TBL2: variants seen among roughly 807,000 people sequenced by gnomAD.
TBL2 encodes the protein transducin beta like 2, also known as transducin beta-like protein 2.
Under a neutral mutation model 41.8 loss-of-function variants are expected in TBL2, and 33 were observed. That is an observed-to-expected ratio of 0.79 (90% CI 0.60 to 1.06). The LOEUF (loss-of-function observed/expected upper bound fraction) is 1.06, where lower values mean the gene tolerates loss of function less well. Ranked by LOEUF, TBL2 falls within the 50% of genes least tolerant of loss-of-function variation. The probability of loss-of-function intolerance (pLI) is 0.00; values close to 1 mark genes in which losing one functional copy is unlikely to be tolerated. For synonymous variants in TBL2, 239 were observed against 241.7 expected, an observed-to-expected ratio of 0.99 and a Z score of 0.10; for missense variants, 522 against 603.8, an observed-to-expected ratio of 0.86 and a Z score of 1.42.
chr7:73,571,530 G>C (rs1480715517), intron 5 of TBL2, 189 bp from the exon 6 acceptor site: 19 of 633,942 alleles, frequency 3.0e-5, no homozygotes, highest in Non-Finnish European at 4.4e-5. Flanking sequence ...GCCGAGGTGG[G>C]TGGATCACCT....
intron 1 of TBL2, among the ~76,000 whole-genome samples, chr7:73,575,828 G>A (rs1331083245): frequency 1.3e-5 from 2 of 151,092 alleles, no homozygotes; most frequent in Non-Finnish European, 2.9e-5. Context: ...AGGATTGCTT[G>A]AGCTCAGGAG....
intron 5 of TBL2, among the ~76,000 whole-genome samples, chr7:73,572,608 G>A (rs548496269): frequency 4.0e-4 from 61 of 152,336 alleles, no homozygotes; most frequent in African/African-American, 1.4e-3. Context: ...GTGACAGAGT[G>A]AGACTAATTT....
chr7:73,572,311 T>C (rs538830240), intron 5 of TBL2, among the ~76,000 whole-genome samples: 3 of 152,056 alleles, frequency 2.0e-5, no homozygotes, highest in Admixed American at 6.5e-5. Context: ...TAGCCAGGTG[T>C]GGTAGTGCAC....
chr7:73,576,588 G>C (rs182904171), intron 1 of TBL2: 6 of 456,230 alleles, frequency 1.3e-5, no homozygotes, highest in South Asian at 4.6e-5. Flanking sequence ...AGTCCTGTGC[G>C]GGGGAGTGGA....
intron 1 of TBL2, 63 bp downstream of exon 1, chr7:73,578,357 A>C: frequency 2.6e-6 from 4 of 1,529,960 alleles, no homozygotes; most frequent in Non-Finnish European, 3.5e-6. Flanking sequence ...CGCAGGTCGG[A>C]CCACGAGGAG....
intron 1 of TBL2, among the ~76,000 whole-genome samples, chr7:73,575,070 G>A (rs905079759): frequency 6.6e-6 from 1 of 152,100 alleles, no homozygotes; most frequent in African/African-American, 2.4e-5. Flanking sequence ...ATCTCTAGCG[G>A]CCCTGCTTTG....
At position 73,569,616 on chromosome 7, in the gene TBL2, A is replaced by C. The variant is rs185121856; in HGVS notation, c.*891T>G. On this transcript the variant is annotated 3_prime_UTR_variant, in exon 7 of 7. Transcript: ENST00000305632. ...AACACAAAGCACTTAATAAGGGTGTATCTCTCTCTCCCACCAGCCATCTTT... is the reference window on the plus strand; with the variant it reads ...AACACAAAGCACTTAATAAGGGTGTCTCTCTCTCTCCCACCAGCCATCTTT... 8 of 152,304 alleles carry C rather than the reference A, an allele frequency of 5.3e-5. No individual in the cohort carries two copies. The highest frequency in any genetic ancestry group is 1.2e-4 in the Non-Finnish European group (8 of 68,042). 9.4% of individuals were successfully genotyped at this position (152,304 alleles called of 1,614,324 possible). A position where few individuals can be genotyped will look rare whatever the true frequency, so the allele number is the denominator to read the frequency against.
In TBL2 at chr7:73,572,832, C is replaced by A. The variant is rs1554587924; in HGVS notation, c.725+12G>T. 23 of 1,614,008 alleles carry A rather than the reference C, an allele frequency of 1.4e-5. No homozygotes were observed. The highest frequency in any genetic ancestry group is 1.9e-5 in the Non-Finnish European group (23 of 1,179,892). On this transcript the variant is annotated intron_variant, in intron 5 of 6. Coordinates refer to ENST00000305632, the MANE Select transcript of TBL2 (RefSeq NM_012453.4). ...CTCGTGGTCCCAGACGCCAATACCC[C>A]TCCTTGCCCACCTGCCACAGGGAGA...
In TBL2 at chr7:73,568,284, G is replaced by A. The variant is rs1342721147; in HGVS notation, c.*2223C>T. Among the ~76,000 whole-genome samples, 1 of 152,102 alleles carries A rather than the reference G, an allele frequency of 6.6e-6. No homozygotes were observed. The highest frequency in any genetic ancestry group is 1.5e-5 in the Non-Finnish European group (1 of 68,016). On this transcript the variant is annotated 3_prime_UTR_variant, in exon 7 of 7. Coordinates refer to ENST00000305632, the MANE Select transcript of TBL2 (RefSeq NM_012453.4). The stretch of plus-strand genomic sequence containing the variant: ...GCCCGGTGGTGCTCTCATTCCAGTG[G>A]GTTCAACAGTGAGCCAGAAGCTGCC...
intron 1 of TBL2, among the ~76,000 whole-genome samples, chr7:73,575,079 T>C (rs1279548152): frequency 2.0e-5 from 3 of 152,000 alleles, no homozygotes; most frequent in Non-Finnish European, 4.4e-5. Flanking sequence ...GGCCCTGCTT[T>C]GGGTAAGTTA....
In TBL2 at chr7:73,570,400, C is replaced by T. The variant is rs1792847434; in HGVS notation, c.*107G>A. On this transcript the variant is annotated 3_prime_UTR_variant, in exon 7 of 7. Coordinates refer to ENST00000305632, the MANE Select transcript of TBL2 (RefSeq NM_012453.4). ...GAAGCAGGGCCACCAGTAAGAAAAC[C>T]AGGAGACTCCTTCTGAAAGGCTTCC... The T allele has an allele frequency of 8.4e-6, 12 of 1,421,592 alleles. No individual in the cohort carries two copies. The highest frequency in any genetic ancestry group is 1.0e-5 in the Non-Finnish European group (11 of 1,093,350). 88.1% of individuals were successfully genotyped at this position (1,421,592 alleles called of 1,614,324 possible). A position where few individuals can be genotyped will look rare whatever the true frequency, so the allele number is the denominator to read the frequency against.
rs1554589461 is a variant in TBL2, at chr7:73,578,401, C to G, written c.130+19G>C. The G allele has an allele frequency of 6.6e-7, 1 of 1,523,296 alleles. No homozygotes were observed. Among genetic ancestry groups the G allele is most frequent in the African/African-American group, 1.4e-5 (1 of 69,790 alleles). 94.4% of individuals were successfully genotyped at this position (1,523,296 alleles called of 1,614,324 possible). ...CCGGGACACCGCGGGCCGCCCCCAC[C>G]CGACCCGGCCCCACTTACAGGCGGG... On this transcript the variant is annotated intron_variant, in intron 1 of 6. Coordinates refer to ENST00000305632, the MANE Select transcript of TBL2 (RefSeq NM_012453.4).
In TBL2 at chr7:73,570,761, T is replaced by C. The variant is rs1554587254; in HGVS notation, c.1090A>G (p.Lys364Glu). The C allele has an allele frequency of 6.2e-7, 1 of 1,614,174 alleles. No individual in the cohort carries two copies. Residue 364 changes from lysine (K) to glutamate (E), a missense_variant, in exon 7 of 7, where the codon AAG (lysine) becomes GAG (glutamate). Coordinates refer to ENST00000305632, the MANE Select transcript of TBL2 (RefSeq NM_012453.4). ...IHLYNTRRGE[K>E]EECFERVHGE... The stretch of plus-strand genomic sequence containing the variant: ...TGGACCCGCTCAAAGCACTCCTCCT[T>C]CTCGCCCCGCCGGGTATTGTAGAGA...
intron 4 of TBL2, 91 bp downstream of exon 4, chr7:73,573,229 G>T: frequency 6.5e-7 from 1 of 1,549,284 alleles, no homozygotes. Flanking sequence ...AGGTTGAGCA[G>T]AACTTTCAGG....
chr7:73,573,428 A>C lies in TBL2; in HGVS notation c.490T>G (p.Phe164Val), dbSNP rs1554588191. ...WLANGDTLRV[F>V]KMTKREDGGY... ...CCATCCTCCCGCTTGGTCATCTTGA[A>C]GACACGGAGGGTGTCCCCGTTGGCC... is the stretch of plus-strand genomic sequence containing the variant. The change falls in exon 4 of 7, where the codon TTC becomes GTC. Residue 164 changes from phenylalanine to valine, a missense_variant. Coordinates refer to ENST00000305632, the MANE Select transcript of TBL2 (RefSeq NM_012453.4). 3 of 1,614,114 alleles carry C rather than the reference A, an allele frequency of 1.9e-6. No homozygotes were observed. In the East Asian group the frequency reaches 6.7e-5, roughly 36 times the overall value.
chr7:73,570,490 G>A lies in TBL2; in HGVS notation c.*17C>T, dbSNP rs782741124. The A allele has an allele frequency of 2.8e-5, 42 of 1,499,282 alleles. No homozygotes were observed. The highest frequency in any genetic ancestry group is 2.8e-4 in the African/African-American group (20 of 71,444). 92.9% of individuals were successfully genotyped at this position (1,499,282 alleles called of 1,614,324 possible). ...AGATCCCTCCTCCTCAATCCTCTGCGCCGGGCCCTCCCAGAGTCACTTCTT... is the reference window on the plus strand; with the variant it reads ...AGATCCCTCCTCCTCAATCCTCTGCACCGGGCCCTCCCAGAGTCACTTCTT... On this transcript the variant is annotated 3_prime_UTR_variant, in exon 7 of 7. Coordinates refer to ENST00000305632, the MANE Select transcript of TBL2 (RefSeq NM_012453.4).
chr7:73,576,583 T>C (rs879959339), intron 1 of TBL2: 3 of 456,208 alleles, frequency 6.6e-6, no homozygotes, highest in Non-Finnish European at 1.3e-5. Flanking sequence ...TGTTGAGTCC[T>C]GTGCGGGGGA....
In TBL2 at chr7:73,578,558, A is replaced by G; in HGVS notation, c.-9T>C. 1 of 1,587,512 alleles carries G rather than the reference A, an allele frequency of 6.3e-7. No individual in the cohort carries two copies. On this transcript the variant is annotated 5_prime_UTR_variant, in exon 1 of 7. Coordinates refer to ENST00000305632, the MANE Select transcript of TBL2 (RefSeq NM_012453.4). ...ATCTGCGAGAGCTCCATGTTGGTGG[A>G]ACCACTGCCACCTCAGCTAGTGAGT... is the stretch of plus-strand genomic sequence containing the variant.
chr7:73,573,214 C>T, intron 4 of TBL2, 106 bp downstream of exon 4: 1 of 1,513,292 alleles, frequency 6.6e-7, no homozygotes, highest in Non-Finnish European at 9.0e-7. Flanking sequence ...CCCCTTGTTC[C>T]TCTCAGGTTG....
Sources: allele counts gnomAD v4.1 joint callset (sites outside exome capture counted in the v4.1 genomes callset), GRCh38; gene constraint gnomAD v4.1.1; transcripts MANE v1.5; gene names NCBI Gene and HGNC (gene_info 2026-07-23, HGNC 2026-07-21).